Variants in USP24 observed in about 807,000 individuals in gnomAD.
The protein encoded by USP24 is ubiquitin specific peptidase 24, also known as ubiquitin carboxyl-terminal hydrolase 24.
In USP24, 97 loss-of-function variants were observed where a neutral mutation model predicts 361.6. The ratio of observed to expected loss-of-function variants is 0.27; its 90% CI spans 0.23 to 0.32. The LOEUF is 0.32. Among genes scored for constraint, USP24 ranks in the 10% least tolerant of loss-of-function variants. The pLI is 1.00. For synonymous variants in USP24, 1,098 were observed against 1,124.6 expected, an observed-to-expected ratio of 0.98 and a Z score of 0.47; for missense variants, 2,353 against 3,165.6, an observed-to-expected ratio of 0.74 and a Z score of 6.16.
intron 7 of USP24, among the ~76,000 whole-genome samples, chr1:55,164,477 C>A (rs1365725077): frequency 6.6e-6 from 1 of 151,922 alleles, no homozygotes; most frequent in Non-Finnish European, 1.5e-5. Flanking sequence ...TAAATTTATC[C>A]TGGGACACAG....
At chr1:55,186,520 C>G (rs1042856852) in intron 1 of USP24, among the ~76,000 whole-genome samples, 4 of 152,128 alleles carry the variant, frequency 2.6e-5, no homozygotes, top group Non-Finnish European at 4.4e-5. Context: ...TGGAAGCAAC[C>G]CAAGTGTCCA....
At chr1:55,171,381 G>A (rs1649424996) in intron 5 of USP24, among the ~76,000 whole-genome samples, 175 bp downstream of exon 5, 1 of 151,946 alleles carries the variant, frequency 6.6e-6, no homozygotes, top group Non-Finnish European at 1.5e-5. Flanking sequence ...TAAGAGCTAT[G>A]GAAAAATTAT....
rs576914164 is a variant in USP24 at position 55,125,811 on chromosome 1, T to C, written c.3636-53A>G. The C allele has an allele frequency of 3.9e-5, 56 of 1,448,920 alleles. No individual in the cohort carries two copies. In the East Asian group the frequency reaches 9.5e-4, roughly 25 times the overall value. 89.8% of individuals were successfully genotyped at this position (1,448,920 alleles called of 1,614,324 possible). On this transcript the variant is annotated intron_variant, in intron 32 of 67. Coordinates refer to ENST00000294383, the MANE Select transcript of USP24 (RefSeq NM_015306.3). ...TATTAAAGACTTCTATTTTTTTTCATTTTAAATTTTCCATAAGTAATGTAA... is the reference window on the plus strand; with the variant it reads ...TATTAAAGACTTCTATTTTTTTTCACTTTAAATTTTCCATAAGTAATGTAA...
chr1:55,116,351 GAA>G (rs530488795), intron 38 of USP24, among the ~76,000 whole-genome samples: 25 of 142,086 alleles, frequency 1.8e-4, no homozygotes, highest in African/African-American at 6.1e-4. Flanking sequence ...ATACCAAAAA[GAA>G]AAAAAAAAAT....
rs777608241 is a variant in USP24 at position 55,095,457 on chromosome 1, C to T, written c.6062-61G>A. On this transcript the variant is annotated intron_variant, in intron 50 of 67. Coordinates refer to ENST00000294383, the MANE Select transcript of USP24 (RefSeq NM_015306.3). The stretch of plus-strand genomic sequence containing the variant: ...TAAAAGTTTTTCTTGTCTTGACAAT[C>T]TAAAACAAAGGGCCCATTATTCCAG... 69 of 1,500,192 alleles carry T rather than the reference C, an allele frequency of 4.6e-5. No homozygotes were observed. In the Middle Eastern group the frequency reaches 6.2e-4, roughly 13 times the overall value. 92.9% of individuals were successfully genotyped at this position (1,500,192 alleles called of 1,614,324 possible). A position where few individuals can be genotyped will look rare whatever the true frequency, so the allele number is the denominator to read the frequency against.
intron 23 of USP24, 130 bp downstream of exon 23, chr1:55,142,612 G>T: frequency 1.5e-6 from 1 of 666,254 alleles, no homozygotes; most frequent in East Asian, 2.9e-5. Flanking sequence ...CCACAATATG[G>T]TACTGTTGAT....
intron 8 of USP24, 137 bp from the exon 9 acceptor site, chr1:55,159,822 A>T (rs1263517559): frequency 5.9e-6 from 4 of 678,340 alleles, no homozygotes; most frequent in Middle Eastern, 4.0e-4. Flanking sequence ...GCAGCTACTA[A>T]CTAGCTAATA....
intron 67 of USP24, among the ~76,000 whole-genome samples, chr1:55,070,294 G>A (rs930742382): frequency 3.9e-5 from 6 of 152,270 alleles, no homozygotes; most frequent in South Asian, 4.1e-4. Context: ...AGGTGGGTGC[G>A]GAGAGAATAT....
chr1:55,085,291 C>T (rs564399462), intron 56 of USP24, among the ~76,000 whole-genome samples: 1 of 152,316 alleles, frequency 6.6e-6, no homozygotes, highest in South Asian at 2.1e-4. Flanking sequence ...AGGACTTGCT[C>T]AAAGTTGCAC....
intron 23 of USP24, 109 bp from the exon 24 acceptor site, chr1:55,141,840 T>C (rs773134349): frequency 1.0e-6 from 1 of 953,148 alleles, no homozygotes; most frequent in Non-Finnish European, 1.6e-6. Flanking sequence ...GGGCATTCAC[T>C]GTAGGATGTT....
intron 24 of USP24, among the ~76,000 whole-genome samples, chr1:55,140,747 G>T (rs1426547937): frequency 6.6e-6 from 1 of 152,160 alleles, no homozygotes; most frequent in Non-Finnish European, 1.5e-5. Context: ...GGTAGGGAGA[G>T]CAAGTCCTTC....
intron 7 of USP24, among the ~76,000 whole-genome samples, chr1:55,164,492 C>A (rs533683498): frequency 6.6e-6 from 1 of 152,116 alleles, no homozygotes; most frequent in East Asian, 1.9e-4. Flanking sequence ...ACACAGCCAC[C>A]TTAACTGGTC....
chr1:55,083,340 G>A lies in USP24; in HGVS notation c.6907C>T (p.Leu2303Phe), dbSNP rs751051855. 11 of 1,613,582 alleles carry A rather than the reference G, an allele frequency of 6.8e-6. No homozygotes were observed. In the South Asian group the frequency reaches 8.8e-5, roughly 13 times the overall value. The change falls in exon 58 of 68, where the codon CTT (leucine) becomes TTT (phenylalanine). Residue 2303 changes from leucine (L) to phenylalanine (F), a missense_variant. Physicochemically the swap from Leu to Phe is conservative, Grantham distance 22. Transcript: ENST00000294383. ...QKQGIRAGDL[L>F]LRHSALRHMI... ...TGCCGCAGAGCTGAATGCCTCAGAA[G>A]AAGATCTCCAGCCCTAATTCCTTGC...
chr1:55,072,680 A>G, intron 65 of USP24, 106 bp downstream of exon 65: 2 of 1,147,048 alleles, frequency 1.7e-6, no homozygotes, highest in Non-Finnish European at 2.5e-6. Flanking sequence ...GAAATCTGAA[A>G]ACACTTTAAG....
At position 55,134,056 on chromosome 1, in the gene USP24, A is replaced by G; in HGVS notation, c.3381+14T>C. On this transcript the variant is annotated intron_variant, in intron 30 of 67. Transcript: ENST00000294383. ...TGATATAAAATTGCCATGCTAGTTA[A>G]AAAATACTCATACCTTTCTTCCTAA... 1.9e-6 allele frequency: 3 copies of G among 1,610,520 alleles called. No homozygotes were observed. Among genetic ancestry groups the G allele is most frequent in the Non-Finnish European group, 2.5e-6 (3 of 1,177,654 alleles).
At chr1:55,099,949 T>C (rs1645590674) in intron 44 of USP24, 80 bp from the exon 45 acceptor site, 5 of 997,990 alleles carry the variant, frequency 5.0e-6, no homozygotes, top group Non-Finnish European at 7.4e-6. Flanking sequence ...GAAAGAGCAC[T>C]TAAATGCTTA....
At chr1:55,122,706 GA>G (rs1248714609) in intron 36 of USP24, among the ~76,000 whole-genome samples, 3 of 151,818 alleles carry the variant, frequency 2.0e-5, no homozygotes, top group Non-Finnish European at 4.4e-5. Flanking sequence ...AGTAGGGGGT[GA>G]AAAAAAGATA....
rs1645796997 is a variant in USP24, at chr1:55,107,124, G to A, written c.4762+115C>T. The A allele has an allele frequency of 4.8e-6, 6 of 1,259,496 alleles. No homozygotes were observed. In the East Asian group the frequency reaches 1.5e-4, roughly 31 times the overall value. 78.0% of individuals were successfully genotyped at this position (1,259,496 alleles called of 1,614,324 possible). A position where few individuals can be genotyped will look rare whatever the true frequency, so the allele number is the denominator to read the frequency against. ...AACGGACAATTTCCTACTGTGTGAA[G>A]GGTCAATTTTCCATGGAACACTTGG... is the stretch of plus-strand genomic sequence containing the variant. On this transcript the variant is annotated intron_variant, in intron 40 of 67. Coordinates refer to ENST00000294383, the MANE Select transcript of USP24 (RefSeq NM_015306.3).
At chr1:55,092,740 G>T in intron 53 of USP24, 81 bp downstream of exon 53, 2 of 1,046,100 alleles carry the variant, frequency 1.9e-6, no homozygotes, top group East Asian at 2.8e-5. Flanking sequence ...CTGAGACTGA[G>T]GATGAATCAC....
Sources: allele counts gnomAD v4.1 joint callset (sites outside exome capture counted in the v4.1 genomes callset), GRCh38; gene constraint gnomAD v4.1.1; transcripts MANE v1.5; gene names NCBI Gene and HGNC (gene_info 2026-07-23, HGNC 2026-07-21).